The following MYO1E variants were observed in gnomAD, a reference collection of about 807,000 sequenced individuals.
The protein encoded by MYO1E is unconventional myosin-Ie.
Under a neutral mutation model 151.1 loss-of-function variants are expected in MYO1E, and 68 were observed. The observed-to-expected ratio is 0.45, with a 90% CI of 0.37 to 0.55. The LOEUF is 0.55. Ranked by LOEUF, MYO1E falls within the 20% of genes least tolerant of loss-of-function variation. The probability of loss-of-function intolerance (pLI) is 0.00; values close to 1 mark genes in which losing one functional copy is unlikely to be tolerated. For missense variants in MYO1E, 1,363 were observed against 1,389.3 expected, an observed-to-expected ratio of 0.98 and a Z score of 0.30; for synonymous variants, 601 against 501.7, an observed-to-expected ratio of 1.20 and a Z score of -2.64.
At chr15:59,142,440 T>TG (rs1438521954) in intron 26 of MYO1E, among the ~76,000 whole-genome samples, 1 of 152,162 alleles carries the variant, frequency 6.6e-6, no homozygotes, top group African/African-American at 2.4e-5. Flanking sequence ...GGTAAGACCC[T>TG]CCCTGCCCTG....
chr15:59,147,569 C>A (rs1385344057), intron 26 of MYO1E, among the ~76,000 whole-genome samples: 1 of 116,704 alleles, frequency 8.6e-6, no homozygotes, highest in Non-Finnish European at 1.6e-5. Flanking sequence ...TGCACTCCAG[C>A]CTGGGTGACA....
intron 3 of MYO1E, among the ~76,000 whole-genome samples, chr15:59,258,945 C>T (rs67599725): frequency 0.14 from 21,792 of 150,320 alleles, 2,431 homozygotes; most frequent in East Asian, 0.53. Context: ...TTAACAATTC[C>T]CCTCTCTTGT....
chr15:59,271,635 C>T (rs1254339338), intron 2 of MYO1E, among the ~76,000 whole-genome samples: 4 of 152,178 alleles, frequency 2.6e-5, no homozygotes, highest in African/African-American at 9.6e-5. Flanking sequence ...TGGCATCCGG[C>T]AAGCTAAAAT....
chr15:59,244,635 G>T (rs985266682), intron 4 of MYO1E, among the ~76,000 whole-genome samples: 1 of 152,148 alleles, frequency 6.6e-6, no homozygotes, highest in Non-Finnish European at 1.5e-5. Context: ...GCAGAGAAAA[G>T]TATAAAGACT....
Position 59,153,643 on chromosome 15 carries a change from T to G in MYO1E, c.3027A>C (p.Ser1009=). Residue 1009 remains serine (S), a synonymous_variant, in exon 26 of 28, where the codon TCA becomes TCC. Coordinates refer to ENST00000288235, the MANE Select transcript of MYO1E (RefSeq NM_004998.4). ...RQQSTSSDRV[S]QTPESLDFLK... Reference sequence around the variant, plus strand: ...GGAAATCCAGGCTCTCTGGCGTCTGTGACACTCGGTCTGAACTGGTAGACT... The same window carrying G: ...GGAAATCCAGGCTCTCTGGCGTCTGGGACACTCGGTCTGAACTGGTAGACT... 6.2e-7 allele frequency: 1 copy of G among 1,614,142 alleles called. No homozygotes were observed. Among genetic ancestry groups the G allele is most frequent in the Non-Finnish European group, 8.5e-7 (1 of 1,180,018 alleles).
chr15:59,213,341 T>C (rs1436086080), intron 12 of MYO1E, among the ~76,000 whole-genome samples: 1 of 151,906 alleles, frequency 6.6e-6, no homozygotes, highest in African/African-American at 2.4e-5. Flanking sequence ...CAGCTAATTT[T>C]TGTATTTTTA....
At chr15:59,243,301 G>C (rs1775541322) in intron 4 of MYO1E, among the ~76,000 whole-genome samples, 1 of 152,052 alleles carries the variant, frequency 6.6e-6, no homozygotes, top group Non-Finnish European at 1.5e-5. Context: ...TTCCAAAGGA[G>C]GCTTGAAAGG....
At chr15:59,297,203 T>G (rs2080455528) in intron 1 of MYO1E, among the ~76,000 whole-genome samples, 1 of 151,816 alleles carries the variant, frequency 6.6e-6, no homozygotes, top group Admixed American at 6.6e-5. Context: ...TATTCTAATT[T>G]TATTATCCCA....
chr15:59,162,067 T>C lies in MYO1E; in HGVS notation c.2628-837A>G, dbSNP rs2079540852. 5.3e-5 allele frequency among the ~76,000 whole-genome samples: 8 copies of C among 152,294 alleles called. No individual in the cohort carries two copies. In the South Asian group the frequency reaches 1.7e-3, roughly 32 times the overall value. On this transcript the variant is annotated intron_variant, in intron 23 of 27. Coordinates refer to ENST00000288235, the MANE Select transcript of MYO1E (RefSeq NM_004998.4). ...TCTTTCTGTGTTTTAGACAGGGTCTTGCTCTGTTGCCCAGGCTGGCGTGCA... is the reference window on the plus strand; with the variant it reads ...TCTTTCTGTGTTTTAGACAGGGTCTCGCTCTGTTGCCCAGGCTGGCGTGCA...
chr15:59,138,269 T>C lies in MYO1E; in HGVS notation c.3179A>G (p.Tyr1060Cys). Reference sequence around the variant, plus strand: ...GTCTGTGTCCTGAGCGTCATAGGCATACAAAGCCTTGCACTGTGGCACCTG... The same window carrying C: ...GTCTGTGTCCTGAGCGTCATAGGCACACAAAGCCTTGCACTGTGGCACCTG... ...KPQVPQCKALYAYDAQDTDEL... is the reference protein window; with the variant it reads ...KPQVPQCKALCAYDAQDTDEL... Residue 1060 changes from tyrosine to cysteine, a missense_variant, in exon 27 of 28, where the codon TAT becomes TGT. Coordinates refer to ENST00000288235, the MANE Select transcript of MYO1E (RefSeq NM_004998.4). 1 of 1,614,238 alleles carries C rather than the reference T, an allele frequency of 6.2e-7. No homozygotes were observed. Among genetic ancestry groups the C allele is most frequent in the Non-Finnish European group, 8.5e-7 (1 of 1,180,028 alleles).
chr15:59,246,906 G>A (rs1033671752), intron 4 of MYO1E, among the ~76,000 whole-genome samples: 9 of 152,158 alleles, frequency 5.9e-5, no homozygotes, highest in South Asian at 2.1e-4. Flanking sequence ...TTTATCCTCC[G>A]TTGATGACAA....
intron 1 of MYO1E, among the ~76,000 whole-genome samples, chr15:59,297,000 C>T (rs1160095437): frequency 2.1e-5 from 1 of 46,924 alleles, no homozygotes; most frequent in African/African-American, 4.9e-5. Flanking sequence ...CTACCACGCC[C>T]GGCTAATCGC....
At chr15:59,309,445 C>G (rs1567010512) in intron 1 of MYO1E, among the ~76,000 whole-genome samples, 2 of 152,210 alleles carry the variant, frequency 1.3e-5, no homozygotes, top group Admixed American at 1.3e-4. Flanking sequence ...GTAAACTAAA[C>G]AGATGCAAAA....
intron 2 of MYO1E, among the ~76,000 whole-genome samples, chr15:59,263,473 G>C (rs1053674069): frequency 2.6e-5 from 4 of 152,098 alleles, no homozygotes; most frequent in Admixed American, 2.0e-4. Context: ...TAGAGGCAAT[G>C]GTTTGTTAGT....
At chr15:59,235,577 T>C (rs1235485772) in intron 5 of MYO1E, among the ~76,000 whole-genome samples, 3 of 152,244 alleles carry the variant, frequency 2.0e-5, no homozygotes, top group Non-Finnish European at 2.9e-5. Flanking sequence ...ACCAGTTGCC[T>C]AGTGATGAAC....
intron 1 of MYO1E, among the ~76,000 whole-genome samples, chr15:59,331,205 A>C (rs1207594542): frequency 6.6e-6 from 1 of 152,244 alleles, no homozygotes; most frequent in Non-Finnish European, 1.5e-5. Flanking sequence ...CTTTTACAGA[A>C]GAATTTTGCT....
At chr15:59,329,140 A>T (rs1229302199) in intron 1 of MYO1E, among the ~76,000 whole-genome samples, 1 of 152,230 alleles carries the variant, frequency 6.6e-6, no homozygotes, top group Non-Finnish European at 1.5e-5. Flanking sequence ...TGTTAATTTA[A>T]CAAATGTGTG....
At chr15:59,371,457 G>A (rs1241543236) in intron 1 of MYO1E, among the ~76,000 whole-genome samples, 1 of 147,932 alleles carries the variant, frequency 6.8e-6, no homozygotes, top group Non-Finnish European at 1.5e-5. Flanking sequence ...TTGATGAACT[G>A]CCGATCTCTT....
chr15:59,139,369 G>A (rs1162147962), intron 26 of MYO1E, among the ~76,000 whole-genome samples: 7 of 105,712 alleles, frequency 6.6e-5, no homozygotes, highest in African/African-American at 2.4e-4. Flanking sequence ...ACCTCCCACC[G>A]CTCATTGTTA....
Sources: gnomAD v4.1 joint callset for allele counts (sites outside exome capture counted in the v4.1 genomes callset) on GRCh38, gnomAD v4.1.1 for gene constraint, MANE v1.5 for transcripts, NCBI Gene and HGNC (gene_info 2026-07-23, HGNC 2026-07-21) for gene names.